CIB1: variants seen among roughly 807,000 people sequenced by gnomAD.
CIB1 encodes the protein calcium and integrin binding 1.
A neutral mutation model predicts 25.0 loss-of-function variants in CIB1; 19 were observed. The observed-to-expected ratio is 0.76, with a 90% confidence interval of 0.53 to 1.12. The LOEUF (loss-of-function observed/expected upper bound fraction) is 1.12, where lower values mean the gene tolerates loss of function less well. Ranked by LOEUF, CIB1 falls within the 50% of genes most tolerant of loss-of-function variation. The probability of loss-of-function intolerance (pLI) is 0.00; values close to 1 mark genes in which losing one functional copy is unlikely to be tolerated. For synonymous variants in CIB1, 104 were observed against 98.5 expected (o/e 1.06, Z -0.33); for missense variants, 236 against 242.6 (o/e 0.97, Z 0.18).
At chr15:90,255,183 A>G in the CIB1 span, among the ~76,000 whole-genome samples, 1 of 152,156 alleles carries the variant, frequency 6.6e-6, no homozygotes, top group Non-Finnish European at 1.5e-5. Context: ...ACCTGAAGGA[A>G]GTGTCTGGTG....
chr15:90,260,723 T>C, the CIB1 span, among the ~76,000 whole-genome samples: 1 of 150,788 alleles, frequency 6.6e-6, no homozygotes, highest in African/African-American at 2.4e-5. Flanking sequence ...TGGTGGTGCA[T>C]GCCTGTAATC....
Position 90,230,446 on chromosome 15 carries a change from T to C in CIB1, c.*38A>G. On this transcript the variant is annotated 3_prime_UTR_variant, in exon 7 of 7. Transcript: ENST00000328649. ...GGCCACAGCTCAGCAGTAGAAAGGT[T>C]CTTGGACAGGGTGCCAGGACACACG... 1 of 1,550,940 alleles carries C rather than the reference T, an allele frequency of 6.4e-7. No homozygotes were observed. The highest frequency in any genetic ancestry group is 8.7e-7 in the Non-Finnish European group (1 of 1,146,672).
the CIB1 span, chr15:90,258,538 G>A: frequency 1.6e-6 from 1 of 615,352 alleles, no homozygotes; most frequent in South Asian, 2.0e-5. Context: ...TATCTAGAGA[G>A]GCAGGCCAGC....
the CIB1 span, chr15:90,263,166 T>C: frequency 2.0e-6 from 3 of 1,508,156 alleles, no homozygotes; most frequent in Non-Finnish European, 1.8e-6. Context: ...CTGTGAAGTC[T>C]CCCAGAGGAA....
At chr15:90,261,180 A>C in the CIB1 span, among the ~76,000 whole-genome samples, 1 of 151,018 alleles carries the variant, frequency 6.6e-6, no homozygotes, top group Admixed American at 6.6e-5. Context: ...CTGGGTTCAA[A>C]AAATTTTCCT....
upstream of CIB1, among the ~76,000 whole-genome samples, chr15:90,236,814 G>T (rs537695969): frequency 2.0e-5 from 3 of 152,092 alleles, no homozygotes; most frequent in East Asian, 5.8e-4. Context: ...GAGCCACCAC[G>T]CCCGGCCTCT....
chr15:90,230,911 A>G (rs1393098723), intron 6 of CIB1, 23 bp downstream of exon 6: 2 of 1,600,384 alleles, frequency 1.2e-6, no homozygotes, highest in South Asian at 2.2e-5. Context: ...GGTACCCAGA[A>G]TGAAGGGGGA....
rs1962454466 is a variant in CIB1, at chr15:90,230,632, G to A, written c.555-127C>T. 4.0e-6 allele frequency: 4 copies of A among 1,007,564 alleles called. No individual in the cohort carries two copies. In the Admixed American group the frequency reaches 8.5e-5, roughly 21 times the overall value. The allele number at this position is 1,007,564 out of a possible 1,614,324, so 62.4% of individuals were successfully genotyped here. On this transcript the variant is annotated intron_variant, in intron 6 of 6. Transcript: ENST00000328649. ...TATGTTCCGTGTGTCAGCCCCCTCT[G>A]CAAGAACTCCCCGAGACATCCAGAG...
chr15:90,258,025 C>T, the CIB1 span: 1 of 1,612,850 alleles, frequency 6.2e-7, no homozygotes, highest in East Asian at 2.2e-5. Context: ...CCTCTGAGCA[C>T]TGGGCCTCGC....
chr15:90,246,778 A>C, the CIB1 span, among the ~76,000 whole-genome samples: 2 of 114,600 alleles, frequency 1.7e-5, no homozygotes, highest in Admixed American at 1.1e-4. Context: ...ACAGAGTGAG[A>C]CTCTGTCTCA....
chr15:90,244,503 C>T, the CIB1 span: 7 of 152,210 alleles, frequency 4.6e-5, no homozygotes, highest in Non-Finnish European at 1.0e-4. Context: ...CTTTTAGCTC[C>T]CTTGAATGTT....
chr15:90,232,332 T>C lies in CIB1; in HGVS notation c.87-5A>G. Reference sequence around the variant, plus strand: ...TCACAAAACCGCCTGTGGGCTCTGGTAGAGAGAGGGGAACTGTCGGTGTTC... The same window carrying C: ...TCACAAAACCGCCTGTGGGCTCTGGCAGAGAGAGGGGAACTGTCGGTGTTC... On this transcript the variant is annotated splice_polypyrimidine_tract_variant and splice_region_variant and intron_variant, in intron 2 of 6. Coordinates refer to ENST00000328649, the MANE Select transcript of CIB1 (RefSeq NM_006384.4). 6.3e-7 allele frequency: 1 copy of C among 1,599,984 alleles called. No individual in the cohort carries two copies. Among genetic ancestry groups the C allele is most frequent in the Non-Finnish European group, 8.5e-7 (1 of 1,170,260 alleles).
the CIB1 span, chr15:90,265,566 C>G: frequency 1.4e-6 from 2 of 1,389,042 alleles, no homozygotes; most frequent in Non-Finnish European, 1.9e-6. Flanking sequence ...CACTGAGCAG[C>G]GTGAGCCCAG....
the CIB1 span, chr15:90,257,951 A>G: frequency 7.7e-7 from 1 of 1,295,830 alleles, no homozygotes; most frequent in Non-Finnish European, 1.1e-6. Context: ...CGGGCATGCA[A>G]TTAGCGTTAG....
At chr15:90,243,758 TC>T in the CIB1 span, 3 of 140,584 alleles carry the variant, frequency 2.1e-5, no homozygotes, top group African/African-American at 8.3e-5. Flanking sequence ...CAAACAATAC[TC>T]CCATCTCAGC....
chr15:90,235,526 TAAAAA>T (rs938077807), upstream of CIB1, among the ~76,000 whole-genome samples: 2 of 150,716 alleles, frequency 1.3e-5, no homozygotes, highest in African/African-American at 4.9e-5. Flanking sequence ...AAAATAAAAA[TAAAAA>T]AAAATAACTA....
At chr15:90,265,658 C>T in the CIB1 span, 62 of 1,601,978 alleles carry the variant, frequency 3.9e-5, no homozygotes, top group Non-Finnish European at 1.1e-5. Flanking sequence ...CGGTCTTACC[C>T]GGCTACTTCC....
the CIB1 span, chr15:90,240,825 T>A: frequency 0.13 from 115,869 of 897,854 alleles, 4,176 homozygotes; most frequent in South Asian, 0.21. Flanking sequence ...AAAAAAAAAA[T>A]AAATAAATAA....
Position 90,231,407 on chromosome 15 carries a change from C to G in CIB1, c.296G>C (p.Ser99Thr). Residue 99 changes from serine (S) to threonine (T), a missense_variant, in exon 4 of 7, where the codon AGT becomes ACT. Physicochemically the swap from Ser to Thr is moderately conservative, Grantham distance 58 (BLOSUM62 1). Coordinates refer to ENST00000328649, the MANE Select transcript of CIB1 (RefSeq NM_006384.4). ...CTTGATGTCTGGCGTGGCTGTGTCA[C>G]TGAACACACTGAGGAGATCCAGGAA... ...EDFLDLLSVF[S>T]DTATPDIKSH... The G allele has an allele frequency of 1.2e-6, 2 of 1,614,248 alleles. No homozygotes were observed. Among genetic ancestry groups the G allele is most frequent in the Non-Finnish European group, 1.7e-6 (2 of 1,180,048 alleles).
Sources: allele counts gnomAD v4.1 joint callset (sites outside exome capture counted in the v4.1 genomes callset), GRCh38; gene constraint gnomAD v4.1.1; transcripts MANE v1.5; gene names NCBI Gene and HGNC (gene_info 2026-07-23, HGNC 2026-07-21).